Variants in DCAF6 observed in about 807,000 individuals in gnomAD.
DCAF6 encodes DDB1 and CUL4 associated factor 6.
Under a neutral mutation model 125.1 loss-of-function variants are expected in DCAF6, and 54 were observed. The observed-to-expected ratio is 0.43, with a 90% CI of 0.35 to 0.54. DCAF6 has a LOEUF of 0.54. Among genes scored for constraint, DCAF6 ranks in the 20% least tolerant of loss-of-function variants. DCAF6 has a pLI of 0.01. For missense variants in DCAF6, 934 were observed against 1,161.7 expected, an observed-to-expected ratio of 0.80 and a Z score of 2.85; for synonymous variants, 371 against 390.4, an observed-to-expected ratio of 0.95 and a Z score of 0.58.
chr1:167,964,288 T>G (rs1199656334), intron 2 of DCAF6, among the ~76,000 whole-genome samples: 1 of 152,220 alleles, frequency 6.6e-6, no homozygotes, highest in Non-Finnish European at 1.5e-5. Flanking sequence ...TTATTTCTCC[T>G]TTAGTTTTGA....
chr1:167,873,327 G>A, the DCAF6 span, among the ~76,000 whole-genome samples: 1 of 152,152 alleles, frequency 6.6e-6, no homozygotes, highest in Non-Finnish European at 1.5e-5. Context: ...CAGTGAAAGT[G>A]AGGCATTTCT....
At chr1:168,038,291 T>A (rs935559530) in intron 12 of DCAF6, 80 bp from the exon 13 acceptor site, 2 of 1,025,784 alleles carry the variant, frequency 1.9e-6, no homozygotes, top group Non-Finnish European at 3.0e-6. Context: ...CAACCTAATA[T>A]AAGTTTTATA....
chr1:167,901,780 C>G, the DCAF6 span: 1 of 1,614,180 alleles, frequency 6.2e-7, no homozygotes, highest in Non-Finnish European at 8.5e-7. Context: ...TTCGCTCCAC[C>G]CTCCACAGGG....
chr1:167,963,512 C>T (rs1571692779), intron 2 of DCAF6, among the ~76,000 whole-genome samples: 1 of 150,150 alleles, frequency 6.7e-6, no homozygotes, highest in South Asian at 2.1e-4. Flanking sequence ...TCAATCTCAG[C>T]TCACTGCTAC....
At chr1:168,075,055 C>T (rs143066637) in intron 21 of DCAF6, among the ~76,000 whole-genome samples, 1 of 152,310 alleles carries the variant, frequency 6.6e-6, no homozygotes, top group Non-Finnish European at 1.5e-5. Context: ...TCCTCACTCC[C>T]CTTTGCAGCA....
At chr1:167,891,871 A>G in the DCAF6 span, among the ~76,000 whole-genome samples, 1 of 152,126 alleles carries the variant, frequency 6.6e-6, no homozygotes, top group East Asian at 1.9e-4. Flanking sequence ...TAATGCAGCC[A>G]TGCTTCCTAA....
intron 16 of DCAF6, among the ~76,000 whole-genome samples, chr1:168,049,552 G>A (rs749823369): frequency 6.8e-6 from 1 of 146,340 alleles, no homozygotes; most frequent in Admixed American, 6.9e-5. Context: ...GTGAGCCACC[G>A]CGCCTGGCCA....
intron 12 of DCAF6, among the ~76,000 whole-genome samples, chr1:168,025,745 A>G (rs183027900): frequency 2.0e-5 from 3 of 152,174 alleles, no homozygotes; most frequent in Non-Finnish European, 4.4e-5. Flanking sequence ...CTCAGGCTAT[A>G]GTCTATTCTC....
intron 10 of DCAF6, among the ~76,000 whole-genome samples, chr1:168,009,376 TTCCTTC>T (rs1683882622): frequency 6.9e-6 from 1 of 145,406 alleles, no homozygotes; most frequent in African/African-American, 2.7e-5. Context: ...CCTTCCTTCC[TTCCTTC>T]CTTCCTTTCT....
chr1:168,027,713 T>A (rs1036598843), intron 12 of DCAF6, among the ~76,000 whole-genome samples: 32 of 152,102 alleles, frequency 2.1e-4, no homozygotes, highest in Admixed American at 7.9e-4. Context: ...TAAATTTTTT[T>A]AAAAATTTTA....
chr1:167,882,752 C>T, the DCAF6 span, among the ~76,000 whole-genome samples: 8 of 152,034 alleles, frequency 5.3e-5, no homozygotes, highest in Non-Finnish European at 1.0e-4. Context: ...TGAGCTCAGA[C>T]GGGGATGGCA....
chr1:168,071,742 A>C (rs1251963519), intron 21 of DCAF6, among the ~76,000 whole-genome samples: 1 of 152,018 alleles, frequency 6.6e-6, no homozygotes, highest in African/African-American at 2.4e-5. Flanking sequence ...ATTCTCAGGG[A>C]CTCCCTATTG....
At position 168,023,185 on chromosome 1, in the gene DCAF6, A is replaced by G. The variant is rs1685880707; in HGVS notation, c.1609+138A>G. The G allele has an allele frequency of 1.5e-5, 13 of 849,294 alleles. No homozygotes were observed. In the Middle Eastern group the frequency reaches 7.5e-4, roughly 49 times the overall value. 52.6% of individuals were successfully genotyped at this position (849,294 alleles called of 1,614,324 possible). A position where few individuals can be genotyped will look rare whatever the true frequency, so the allele number is the denominator to read the frequency against. On this transcript the variant is annotated intron_variant, in intron 12 of 21. Transcript: ENST00000367840. ...TCAGTATTTTGTGGACCAAATTACA[A>G]TAGGTGGTATTGTACATAAAAGGTC...
intron 10 of DCAF6, among the ~76,000 whole-genome samples, chr1:168,007,574 T>C (rs1683499398): frequency 6.6e-6 from 1 of 152,330 alleles, no homozygotes; most frequent in Non-Finnish European, 1.5e-5. Flanking sequence ...TGTTAGTACC[T>C]TACTAGATTT....
intron 3 of DCAF6, among the ~76,000 whole-genome samples, chr1:167,973,912 G>A (rs1447211455): frequency 6.6e-6 from 1 of 152,040 alleles, no homozygotes; most frequent in Non-Finnish European, 1.5e-5. Context: ...AAATAGATTT[G>A]CCTAGTCAAA....
chr1:167,976,296 C>G (rs1678144330), intron 4 of DCAF6, among the ~76,000 whole-genome samples: 1 of 152,008 alleles, frequency 6.6e-6, no homozygotes, highest in African/African-American at 2.4e-5. Context: ...TGGTGAAACC[C>G]TGTCTCTACT....
At chr1:167,988,099 C>T (rs1680272456) in intron 5 of DCAF6, among the ~76,000 whole-genome samples, 1 of 151,944 alleles carries the variant, frequency 6.6e-6, no homozygotes, top group Non-Finnish European at 1.5e-5. Flanking sequence ...TCAAATTTAG[C>T]CCACTTTCCT....
At chr1:167,877,829 A>C in the DCAF6 span, among the ~76,000 whole-genome samples, 2 of 152,190 alleles carry the variant, frequency 1.3e-5, no homozygotes, top group African/African-American at 2.4e-5. Flanking sequence ...CCAATAGACC[A>C]GGATTAGGTG....
At chr1:168,065,443 C>G (rs1166831610) in intron 18 of DCAF6, 147 bp from the exon 19 acceptor site, 1 of 692,622 alleles carries the variant, frequency 1.4e-6, no homozygotes, top group South Asian at 2.2e-5. Context: ...CCACTGCGCC[C>G]AGCATCAATT....
Sources: allele counts gnomAD v4.1 joint callset (sites outside exome capture counted in the v4.1 genomes callset), GRCh38; gene constraint gnomAD v4.1.1; transcripts MANE v1.5; gene names NCBI Gene and HGNC (gene_info 2026-07-23, HGNC 2026-07-21).